The following PDXDC1 variants were observed in gnomAD, a reference collection of about 807,000 sequenced individuals.
PDXDC1 encodes the protein pyridoxal-dependent decarboxylase domain-containing protein 1.
A neutral mutation model predicts 100.1 loss-of-function variants in PDXDC1; 42 were observed. The ratio of observed to expected loss-of-function variants is 0.42; its 90% CI spans 0.33 to 0.54. The LOEUF (loss-of-function observed/expected upper bound fraction) is 0.54. PDXDC1 is among the 20% of genes least tolerant of loss of function. The pLI is 0.10. For synonymous variants in PDXDC1, 260 were observed against 371.7 expected (o/e 0.70, Z 3.46); for missense variants, 636 against 979.2 (o/e 0.65, Z 4.68).
At chr16:15,041,511 G>A (rs539045605), downstream of PDXDC1, 35 of 797,644 alleles carry the variant, frequency 4.4e-5, no homozygotes, top group East Asian at 8.3e-4. Flanking sequence ...CGGAACAGAT[G>A]GTGGCCAAGC....
At chr16:15,047,926 T>TA in intron 16 of PDXDC1, 1 of 1,612,750 alleles carries the variant, frequency 6.2e-7, no homozygotes, top group African/African-American at 1.3e-5. Flanking sequence ...GGAGCCTGTT[T>TA]AAAAAAGAAA....
intron 16 of PDXDC1, among the ~76,000 whole-genome samples, chr16:15,031,129 TTTTTTTCC>T (rs1233964497): frequency 7.1e-6 from 1 of 141,116 alleles, no homozygotes; most frequent in African/African-American, 2.6e-5. Flanking sequence ...TTTTTTTTTT[TTTTTTTCC>T]ATAGAGACGT....
chr16:15,126,129 C>T (rs2047709264), intron 16 of PDXDC1, among the ~76,000 whole-genome samples: 2 of 151,842 alleles, frequency 1.3e-5, no homozygotes, highest in East Asian at 1.9e-4. Context: ...CCACCTCCCG[C>T]GTTCAGGCGA....
intron 14 of PDXDC1, among the ~76,000 whole-genome samples, chr16:15,028,604 A>G (rs2042808410): frequency 6.6e-6 from 1 of 152,306 alleles, no homozygotes; most frequent in Non-Finnish European, 1.5e-5. Flanking sequence ...TTAGTAACTT[A>G]AAACAATTGC....
At position 15,076,617 on chromosome 16, in the gene PDXDC1, C is replaced by T. The variant is rs763073348; in HGVS notation, c.1399+46561C>T. 2.5e-6 allele frequency: 4 copies of T among 1,613,090 alleles called. No individual in the cohort carries two copies. The South Asian group carries it at 3.3e-5, about 13-fold the overall frequency. On this transcript the variant is annotated intron_variant, in intron 16 of 16. Coordinates refer to the PDXDC1 transcript ENST00000535621. ...CCACAAGTTTGAGTTGCTGTTTCTT[C>T]AGCATCTTCAATACCCTGCCGGGAT... is the stretch of plus-strand genomic sequence containing the variant.
chr16:15,063,144 C>G, intron 16 of PDXDC1: 1 of 1,328,228 alleles, frequency 7.5e-7, no homozygotes, highest in Non-Finnish European at 1.1e-6. Context: ...TCACTGTGAC[C>G]TGGAACCAGA....
intron 8 of PDXDC1, among the ~76,000 whole-genome samples, chr16:15,013,088 T>A (rs771606305): frequency 6.6e-6 from 1 of 152,254 alleles, no homozygotes; most frequent in Non-Finnish European, 1.5e-5. Context: ...GAGAATGGCA[T>A]GAACTCGGGA....
chr16:14,990,705 C>T (rs553525073), intron 1 of PDXDC1, among the ~76,000 whole-genome samples: 127 of 152,270 alleles, frequency 8.3e-4, no homozygotes, highest in Middle Eastern at 3.2e-3. Flanking sequence ...CCCACTCCCC[C>T]CTGGGCTTAC....
intron 15 of PDXDC1, 121 bp from the exon 16 acceptor site, chr16:15,029,830 A>C: frequency 1.2e-6 from 1 of 822,234 alleles, no homozygotes; most frequent in Non-Finnish European, 2.0e-6. Flanking sequence ...TCAGACAGTC[A>C]AAAGAGCAGG....
chr16:15,093,024 G>C (rs1216765021), intron 16 of PDXDC1, among the ~76,000 whole-genome samples: 3 of 151,342 alleles, frequency 2.0e-5, no homozygotes, highest in Admixed American at 1.3e-4. Flanking sequence ...TTTTTTTTGA[G>C]ATGGAGTCTT....
intron 16 of PDXDC1, chr16:15,131,414 G>C: frequency 6.2e-7 from 1 of 1,607,720 alleles, no homozygotes; most frequent in South Asian, 1.1e-5. Context: ...ACGTCACTGA[G>C]GTTAGCCGGG....
At chr16:15,056,746 T>C (rs888387574) in intron 16 of PDXDC1, among the ~76,000 whole-genome samples, 5 of 152,172 alleles carry the variant, frequency 3.3e-5, no homozygotes, top group Non-Finnish European at 1.5e-5. Flanking sequence ...TGAGCTATGT[T>C]TGGGCACTGC....
At chr16:15,031,151 C>A in intron 16 of PDXDC1, among the ~76,000 whole-genome samples, 1 of 123,080 alleles carries the variant, frequency 8.1e-6, no homozygotes, top group South Asian at 2.9e-4. Context: ...GAGACGTGGT[C>A]TCACTCTGTC....
At chr16:14,991,330 C>CTCAT in intron 1 of PDXDC1, among the ~76,000 whole-genome samples, 1 of 13,116 alleles carries the variant, frequency 7.6e-5, no homozygotes, top group East Asian at 1.6e-3. Flanking sequence ...GAGACAGGTT[C>CTCAT]TCTGTTGACC....
rs544353258 is a variant in PDXDC1, at chr16:14,975,069, C to T, written c.-131C>T. On this transcript the variant is annotated 5_prime_UTR_variant, in exon 1 of 23. Coordinates refer to ENST00000396410, the MANE Select transcript of PDXDC1 (RefSeq NM_015027.4). ...GGCAGCCCGCGGCGCCGCCTGGCAG[C>T]TCCTCCTCTTCTCCGCCCCGCCGGC... 7.7e-3 allele frequency: 11,627 copies of T among 1,503,640 alleles called. No individual in the cohort carries two copies. The highest frequency in any genetic ancestry group is 8.5e-3 in the Non-Finnish European group (9,660 of 1,134,348). The allele number at this position is 1,503,640 out of a possible 1,614,324, so 93.1% of individuals were successfully genotyped here.
At chr16:14,990,008 G>A (rs1747790389) in intron 1 of PDXDC1, 6 of 1,477,846 alleles carry the variant, frequency 4.1e-6, no homozygotes, top group Non-Finnish European at 2.7e-6. Context: ...CCCAGGACCA[G>A]GGAAGCAGGT....
At chr16:15,010,726 G>GAT (rs1174969239) in intron 8 of PDXDC1, among the ~76,000 whole-genome samples, 8 of 152,286 alleles carry the variant, frequency 5.3e-5, no homozygotes, top group Non-Finnish European at 4.4e-5. Context: ...TGATTGTATA[G>GAT]ATAGAAAACT....
intron 16 of PDXDC1, chr16:15,074,962 CAA>C: frequency 8.1e-7 from 1 of 1,237,746 alleles, no homozygotes; most frequent in South Asian, 1.6e-5. Flanking sequence ...AAAGATAAAA[CAA>C]AGAGGCTGGG....
At chr16:15,135,827 T>G (rs1170120163) in intron 16 of PDXDC1, 12 of 1,491,518 alleles carry the variant, frequency 8.0e-6, no homozygotes, top group Non-Finnish European at 1.1e-5. Context: ...CACATTGGCC[T>G]GGATGCTCCG....
Sources: gnomAD v4.1 joint callset for allele counts (sites outside exome capture counted in the v4.1 genomes callset) on GRCh38, gnomAD v4.1.1 for gene constraint, MANE v1.5 for transcripts, NCBI Gene and HGNC (gene_info 2026-07-23, HGNC 2026-07-21) for gene names.